The following CSMD1 variants were observed in gnomAD, a reference collection of about 807,000 sequenced individuals.
CSMD1 encodes CUB and Sushi multiple domains 1, also known as CUB and sushi domain-containing protein 1.
In CSMD1, 213 loss-of-function variants were observed where a neutral mutation model predicts 417.5. The ratio of observed to expected loss-of-function variants is 0.51; its 90% confidence interval spans 0.46 to 0.57. The LOEUF (loss-of-function observed/expected upper bound fraction) is 0.57. CSMD1 is among the 20% of genes least tolerant of loss of function. The pLI is 0.00. For missense variants in CSMD1, 6,923 were observed against 4,529.7 expected (o/e 1.53, Z -15.17); for synonymous variants, 2,862 against 1,736.8 (o/e 1.65, Z -16.11).
At chr8:3,538,507 CCTGAG>C (rs1798300778) in intron 10 of CSMD1, among the ~76,000 whole-genome samples, 5 of 152,198 alleles carry the variant, frequency 3.3e-5, no homozygotes, top group African/African-American at 1.2e-4. Flanking sequence ...CGATGCCTCA[CCTGAG>C]ATGCCCCACC....
chr8:4,352,492 G>C (rs918799392), intron 3 of CSMD1, among the ~76,000 whole-genome samples: 1 of 152,136 alleles, frequency 6.6e-6, no homozygotes, highest in Admixed American at 6.5e-5. Flanking sequence ...TATTTTCAGT[G>C]AATCAAGTTT....
intron 2 of CSMD1, among the ~76,000 whole-genome samples, chr8:4,519,293 T>G (rs536677091): frequency 6.6e-6 from 1 of 151,930 alleles, no homozygotes; most frequent in Admixed American, 6.6e-5. Flanking sequence ...ATCTTTTAAA[T>G]GGAAGAGTAC....
At chr8:3,419,982 A>G (rs1191433801) in intron 12 of CSMD1, among the ~76,000 whole-genome samples, 2 of 152,148 alleles carry the variant, frequency 1.3e-5, no homozygotes, top group Non-Finnish European at 2.9e-5. Flanking sequence ...GTGGATAATA[A>G]TCGTTCGCAT....
rs1251721296 is a variant in CSMD1, at chr8:4,981,085, C to A, written c.85+13247G>T. The stretch of plus-strand genomic sequence containing the variant: ...GAACACCATGATGCGTGCATCTTTG[C>A]AGATATTTCCCATGTGTGTACAAGT... On this transcript the variant is annotated intron_variant, in intron 1 of 69. Coordinates refer to ENST00000635120, the MANE Select transcript of CSMD1 (RefSeq NM_033225.6). 3.3e-5 allele frequency among the ~76,000 whole-genome samples: 5 copies of A among 152,146 alleles called. No homozygotes were observed. The South Asian group carries it at 8.3e-4, about 25-fold the overall frequency.
intron 5 of CSMD1, among the ~76,000 whole-genome samples, chr8:3,912,288 T>C (rs1808513931): frequency 6.6e-6 from 1 of 152,078 alleles, no homozygotes; most frequent in Non-Finnish European, 1.5e-5. Flanking sequence ...ATACGGAGGG[T>C]GAATATTTTA....
chr8:4,652,186 C>T (rs1015749565), intron 1 of CSMD1, among the ~76,000 whole-genome samples: 6 of 152,074 alleles, frequency 3.9e-5, no homozygotes, highest in African/African-American at 1.4e-4. Context: ...TGAGGGATTG[C>T]ATTAAATAGG....
chr8:3,257,270 G>A (rs1029053729), intron 26 of CSMD1, among the ~76,000 whole-genome samples: 3 of 152,194 alleles, frequency 2.0e-5, no homozygotes, highest in Non-Finnish European at 4.4e-5. Context: ...TTCGCAGCAA[G>A]CCAAAACCGT....
At chr8:3,774,858 T>G (rs193025833) in intron 5 of CSMD1, among the ~76,000 whole-genome samples, 1 of 152,174 alleles carries the variant, frequency 6.6e-6, no homozygotes, top group Non-Finnish European at 1.5e-5. Context: ...AGTGGATGCC[T>G]GAAACCACAC....
chr8:3,842,067 A>T (rs920244843), intron 5 of CSMD1, among the ~76,000 whole-genome samples: 2 of 152,240 alleles, frequency 1.3e-5, no homozygotes, highest in African/African-American at 4.8e-5. Flanking sequence ...GATAGTTAAT[A>T]AAACACACAC....
At chr8:4,542,273 A>G (rs1797424348) in intron 2 of CSMD1, among the ~76,000 whole-genome samples, 1 of 152,188 alleles carries the variant, frequency 6.6e-6, no homozygotes, top group Non-Finnish European at 1.5e-5. Context: ...ATATTAGGAT[A>G]AACACAGTCA....
chr8:3,781,818 T>C (rs1293816231), intron 5 of CSMD1, among the ~76,000 whole-genome samples: 1 of 152,244 alleles, frequency 6.6e-6, no homozygotes, highest in Admixed American at 6.5e-5. Flanking sequence ...TGACTTTTTA[T>C]GATTTTGCTC....
chr8:3,181,978 C>CT (rs1238786509), intron 36 of CSMD1, among the ~76,000 whole-genome samples: 1 of 152,080 alleles, frequency 6.6e-6, no homozygotes, highest in Non-Finnish European at 1.5e-5. Flanking sequence ...GTTTAAGTCA[C>CT]TTTTTTCCTG....
rs531735496 is a variant in CSMD1 at position 3,006,951 on chromosome 8, C to T, written c.8030-6820G>A. ...ATCTAATTAAACTAAAGAGCTTCTG[C>T]ACAGCAAAAGAAACTACCATCAGAG... On this transcript the variant is annotated intron_variant, in intron 52 of 69. Coordinates refer to ENST00000635120, the MANE Select transcript of CSMD1 (RefSeq NM_033225.6). 7.1e-3 allele frequency among the ~76,000 whole-genome samples: 1,000 copies of T among 141,736 alleles called. 24 individuals carry two copies. Among genetic ancestry groups the T allele is most frequent in the Non-Finnish European group, 0.011 (729 of 67,432 alleles). 93.0% of individuals were successfully genotyped at this position (141,736 alleles called of 152,430 possible).
chr8:4,195,573 G>A (rs910755204), intron 3 of CSMD1, among the ~76,000 whole-genome samples: 3 of 152,154 alleles, frequency 2.0e-5, no homozygotes, highest in Admixed American at 2.0e-4. Flanking sequence ...GTATATGGTA[G>A]AGGTGAGCGT....
chr8:4,256,943 G>A (rs748486948), intron 3 of CSMD1, among the ~76,000 whole-genome samples: 1 of 152,200 alleles, frequency 6.6e-6, no homozygotes, highest in Non-Finnish European at 1.5e-5. Context: ...CCCTCCGTGG[G>A]CTGCTGACCT....
Position 4,569,610 on chromosome 8 carries a change from T to C in CSMD1, c.302+67732A>G, listed in dbSNP as rs181570407. Among the ~76,000 whole-genome samples, 70 of 152,306 alleles carry C rather than the reference T, an allele frequency of 4.6e-4. No homozygotes were observed. In the East Asian group the frequency reaches 0.011, roughly 23 times the overall value. ...CCAGCTTTGTTCTTTTTGCTTAGGA[T>C]TGTCTTAGCTATACGGGCTCTTTTT... On this transcript the variant is annotated intron_variant, in intron 2 of 69. Coordinates refer to ENST00000635120, the MANE Select transcript of CSMD1 (RefSeq NM_033225.6).
At chr8:3,845,620 T>C (rs1442828418) in intron 5 of CSMD1, among the ~76,000 whole-genome samples, 1 of 152,146 alleles carries the variant, frequency 6.6e-6, no homozygotes, top group Non-Finnish European at 1.5e-5. Flanking sequence ...ATAAATGCAG[T>C]GTACTTAGGC....
At chr8:4,004,028 A>G (rs779778412) in intron 4 of CSMD1, among the ~76,000 whole-genome samples, 12 of 152,236 alleles carry the variant, frequency 7.9e-5, no homozygotes, top group Non-Finnish European at 1.5e-4. Flanking sequence ...ATTAATCACC[A>G]TAAATACTCT....
intron 3 of CSMD1, among the ~76,000 whole-genome samples, chr8:4,253,255 G>C (rs986433610): frequency 6.6e-6 from 1 of 152,090 alleles, no homozygotes; most frequent in Admixed American, 6.6e-5. Flanking sequence ...TCTCCAAAAA[G>C]CTTGATGTTA....
Sources: allele counts gnomAD v4.1 joint callset (sites outside exome capture counted in the v4.1 genomes callset), GRCh38; gene constraint gnomAD v4.1.1; transcripts MANE v1.5; gene names NCBI Gene and HGNC (gene_info 2026-07-23, HGNC 2026-07-21).